Variants in USP30 observed in about 807,000 individuals in gnomAD.
The protein encoded by USP30 is ubiquitin carboxyl-terminal hydrolase 30.
In USP30, 41 loss-of-function variants were observed where a neutral mutation model predicts 68.2. The ratio of observed to expected loss-of-function variants is 0.60; its 90% CI spans 0.47 to 0.78. The LOEUF (loss-of-function observed/expected upper bound fraction) is 0.78, where lower values mean the gene tolerates loss of function less well. Among genes scored for constraint, USP30 ranks in the 30% least tolerant of loss-of-function variants. The pLI is 0.00. For synonymous variants in USP30, 229 were observed against 253.7 expected (o/e 0.90, Z 0.93); for missense variants, 522 against 649.4 (o/e 0.80, Z 2.13).
chr12:109,029,619 T>A lies in USP30; in HGVS notation c.-136+2063T>A, dbSNP rs190657743. On this transcript the variant is annotated intron_variant, in intron 3 of 15. Transcript: ENST00000392784. ...CAAGAGACTTTCCACCCTCCCTCCG[T>A]GCCTGAGCTATCTTATCTGTGTTTT... is the stretch of plus-strand genomic sequence containing the variant. 1.5e-3 allele frequency among the ~76,000 whole-genome samples: 229 copies of A among 152,346 alleles called. 3 individuals carry two copies. Among genetic ancestry groups the A allele is most frequent in the Admixed American group, 0.011 (172 of 15,302 alleles).
intron 4 of USP30, among the ~76,000 whole-genome samples, chr12:109,071,402 T>C (rs1418242159): frequency 6.6e-6 from 1 of 152,230 alleles, no homozygotes; most frequent in Admixed American, 6.5e-5. Context: ...TGGCTTTCTC[T>C]CCTGCTCTCT....
At chr12:109,085,635 G>A in intron 12 of USP30, 32 bp from the exon 13 acceptor site, 1 of 1,600,422 alleles carries the variant, frequency 6.2e-7, no homozygotes, top group East Asian at 2.2e-5. Context: ...TGTTAAAATT[G>A]TAAACCCCTG....
chr12:109,066,642 G>A (rs918376459), intron 3 of USP30, among the ~76,000 whole-genome samples: 12 of 152,124 alleles, frequency 7.9e-5, no homozygotes, highest in African/African-American at 1.9e-4. Context: ...CTGAGATCAC[G>A]CCATTGCACT....
chr12:109,036,237 T>C (rs2040518531), intron 3 of USP30, among the ~76,000 whole-genome samples: 2 of 152,156 alleles, frequency 1.3e-5, no homozygotes, highest in Non-Finnish European at 2.9e-5. Context: ...TATTTCCCCA[T>C]GTGGGTTTGA....
chr12:109,085,213 T>C (rs998331672), intron 12 of USP30, 140 bp downstream of exon 12: 56 of 1,039,580 alleles, frequency 5.4e-5, no homozygotes, highest in Middle Eastern at 5.9e-4. Context: ...TACACATTCC[T>C]ATTTATTTTT....
intron 3 of USP30, among the ~76,000 whole-genome samples, chr12:109,030,997 G>T (rs149946971): frequency 1.3e-5 from 2 of 151,922 alleles, no homozygotes; most frequent in Admixed American, 6.6e-5. Flanking sequence ...TAAAATCAGG[G>T]GATGCTGAGC....
At chr12:109,060,564 C>T (rs552970975) in intron 3 of USP30, among the ~76,000 whole-genome samples, 5 of 152,134 alleles carry the variant, frequency 3.3e-5, no homozygotes, top group African/African-American at 1.2e-4. Context: ...AACTCGCTGC[C>T]AGCGTTCATC....
intron 3 of USP30, among the ~76,000 whole-genome samples, chr12:109,046,194 C>G (rs972957098): frequency 1.3e-5 from 2 of 149,194 alleles, no homozygotes; most frequent in South Asian, 2.1e-4. Flanking sequence ...TCCGCCCCCC[C>G]GGGTTTAAGT....
At chr12:109,027,210 T>C (rs903991183) in intron 2 of USP30, among the ~76,000 whole-genome samples, 8 of 152,192 alleles carry the variant, frequency 5.3e-5, no homozygotes, top group Non-Finnish European at 8.8e-5. Context: ...AGAGAAACTC[T>C]ACCCATTGAG....
At position 109,023,899 on chromosome 12, in the gene USP30, C is replaced by T. The variant is rs552920071; in HGVS notation, c.-498+732C>T. Among the ~76,000 whole-genome samples, 11 of 152,138 alleles carry T rather than the reference C, an allele frequency of 7.2e-5. No individual in the cohort carries two copies. The South Asian group carries it at 2.1e-3, about 29-fold the overall frequency. ...CCACCTGCCTCGGCCTCCCAAAGTG[C>T]TGGGATTACAGGTGTGATCACCACC... On this transcript the variant is annotated intron_variant, in intron 1 of 15. Transcript: ENST00000392784.
At chr12:109,057,259 G>T (rs1326164138) in intron 2 of USP30, among the ~76,000 whole-genome samples, 1 of 151,668 alleles carries the variant, frequency 6.6e-6, no homozygotes, top group African/African-American at 2.4e-5. Flanking sequence ...TTAAAATTCA[G>T]CAAAGAAAGA....
intron 3 of USP30, among the ~76,000 whole-genome samples, chr12:109,035,681 A>G (rs1233530888): frequency 6.6e-6 from 1 of 152,180 alleles, no homozygotes; most frequent in African/African-American, 2.4e-5. Flanking sequence ...ATTTATAACA[A>G]TCTAGTTTGG....
chr12:109,028,407 G>C (rs1007586258), intron 3 of USP30, among the ~76,000 whole-genome samples: 1 of 152,098 alleles, frequency 6.6e-6, no homozygotes, highest in African/African-American at 2.4e-5. Flanking sequence ...AGTCATGATG[G>C]AAGGTGAAGG....
chr12:109,026,014 G>T (rs2040442577), intron 2 of USP30, among the ~76,000 whole-genome samples: 1 of 151,800 alleles, frequency 6.6e-6, no homozygotes, highest in South Asian at 2.1e-4. Flanking sequence ...TAAATTTTTG[G>T]TACTATTTTA....
intron 1 of USP30, among the ~76,000 whole-genome samples, chr12:109,023,587 A>G (rs1011271630): frequency 7.0e-6 from 1 of 142,720 alleles, no homozygotes; most frequent in Non-Finnish European, 1.5e-5. Flanking sequence ...TAGCCCCCTT[A>G]TCATCCCATT....
rs2041450029 is a variant in USP30 at position 109,071,701 on chromosome 12, T to C, written c.570T>C (p.His190=). The C allele has an allele frequency of 1.2e-6, 2 of 1,614,036 alleles. No individual in the cohort carries two copies. Among genetic ancestry groups the C allele is most frequent in the African/African-American group, 1.3e-5 (1 of 75,050 alleles). ...QPRVTHLFDV[H]SLEQQSEITP... ...GGGTCACACATTTGTTTGATGTGCATTCCCTGGAGGTAAACCATTAATATT... is the reference window on the plus strand; with the variant it reads ...GGGTCACACATTTGTTTGATGTGCACTCCCTGGAGGTAAACCATTAATATT... Residue 190 remains histidine (H), a synonymous_variant, in exon 5 of 13, where the codon CAT becomes CAC. Transcript: ENST00000257548.
intron 3 of USP30, among the ~76,000 whole-genome samples, chr12:109,028,750 C>A (rs1593218420): frequency 6.6e-6 from 1 of 152,062 alleles, no homozygotes; most frequent in African/African-American, 2.4e-5. Context: ...GTGCTGGGAT[C>A]ACAGGCATGA....
At chr12:109,038,473 T>G (rs1352634800) in intron 3 of USP30, among the ~76,000 whole-genome samples, 1 of 152,180 alleles carries the variant, frequency 6.6e-6, no homozygotes, top group Non-Finnish European at 1.5e-5. Context: ...TTTTAAGCTT[T>G]TTTTCCCTTT....
At chr12:109,045,526 C>T (rs529968855) in intron 3 of USP30, among the ~76,000 whole-genome samples, 1 of 152,246 alleles carries the variant, frequency 6.6e-6, no homozygotes, top group African/African-American at 2.4e-5. Flanking sequence ...CTTAGAATCA[C>T]ACAGACCCGC....
Sources: gnomAD v4.1 joint callset for allele counts (sites outside exome capture counted in the v4.1 genomes callset) on GRCh38, gnomAD v4.1.1 for gene constraint, MANE v1.5 for transcripts, NCBI Gene and HGNC (gene_info 2026-07-23, HGNC 2026-07-21) for gene names.